Variants in EYS observed in about 807,000 individuals in gnomAD.
EYS encodes EGF-like photoreceptor maintenance factor, also known as protein eyes shut homolog.
EYS carries 250 observed loss-of-function variants against 282.1 expected under a neutral mutation model. That is an observed-to-expected ratio of 0.89 (90% CI 0.80 to 0.98). The LOEUF is 0.98. Ranked by LOEUF, EYS falls within the 50% of genes least tolerant of loss-of-function variation. The pLI is 0.00. For synonymous variants in EYS, 1,355 were observed against 1,282.9 expected, an observed-to-expected ratio of 1.06 and a Z score of -1.20; for missense variants, 4,016 against 3,709.0, an observed-to-expected ratio of 1.08 and a Z score of -2.15.
At chr6:64,486,393 A>C (rs1200414225) in intron 26 of EYS, among the ~76,000 whole-genome samples, 1 of 151,500 alleles carries the variant, frequency 6.6e-6, no homozygotes, top group East Asian at 1.9e-4. Context: ...ATGATGCACC[A>C]ACAAAATCCA....
chr6:64,236,244 A>T (rs1412391447), intron 30 of EYS, among the ~76,000 whole-genome samples: 1 of 152,198 alleles, frequency 6.6e-6, no homozygotes, highest in Non-Finnish European at 1.5e-5. Flanking sequence ...AAGGGCTGGG[A>T]TTACGGGCGT....
At chr6:64,645,529 C>T (rs1015455304) in intron 22 of EYS, among the ~76,000 whole-genome samples, 1 of 152,166 alleles carries the variant, frequency 6.6e-6, no homozygotes, top group Non-Finnish European at 1.5e-5. Flanking sequence ...TTCTTGACAT[C>T]AGACGGCGTG....
intron 35 of EYS, among the ~76,000 whole-genome samples, chr6:63,908,815 G>A (rs1263756222): frequency 6.6e-6 from 1 of 152,026 alleles, no homozygotes; most frequent in Non-Finnish European, 1.5e-5. Context: ...CTATCTAAAT[G>A]GCTATAGCAT....
intron 24 of EYS, among the ~76,000 whole-genome samples, chr6:64,604,095 C>T (rs1256194927): frequency 6.6e-6 from 1 of 151,874 alleles, no homozygotes. Context: ...GCTTCGCTCT[C>T]TGTATCTCTG....
rs141914724 is a variant in EYS, at chr6:64,898,348, A to C, written c.2846+3765T>G. On this transcript the variant is annotated intron_variant, in intron 18 of 42. Transcript: ENST00000503581. ...TCAACCCAGAATTTCATATCCAGCC[A>C]AACTGAGATTCACAAGTGAAGGAGA... is the stretch of plus-strand genomic sequence containing the variant. Among the ~76,000 whole-genome samples the C allele has an allele frequency of 4.3e-3, 652 of 152,234 alleles. 3 individuals are homozygous for C. The highest frequency in any genetic ancestry group is 0.033 in the East Asian group (169 of 5,182).
chr6:65,702,970 C>T (rs1769732952), intron 1 of EYS, among the ~76,000 whole-genome samples: 1 of 152,026 alleles, frequency 6.6e-6, no homozygotes, highest in Admixed American at 6.6e-5. Context: ...AAGTGCCTTC[C>T]ACAATGTGAG....
At chr6:64,135,590 T>A (rs943475622) in intron 31 of EYS, among the ~76,000 whole-genome samples, 2 of 152,054 alleles carry the variant, frequency 1.3e-5, no homozygotes, top group African/African-American at 4.8e-5. Flanking sequence ...GAAACTGACC[T>A]TAAGAAGGAG....
intron 22 of EYS, among the ~76,000 whole-genome samples, chr6:64,802,763 C>G (rs572931438): frequency 6.6e-6 from 1 of 152,114 alleles, no homozygotes; most frequent in Non-Finnish European, 1.5e-5. Flanking sequence ...AGTTATTTGC[C>G]AATTTGCTTC....
At chr6:64,597,271 T>C (rs993267048) in intron 24 of EYS, among the ~76,000 whole-genome samples, 4 of 152,162 alleles carry the variant, frequency 2.6e-5, no homozygotes, top group Admixed American at 2.0e-4. Context: ...CTGGTAGGAA[T>C]GTAAACTAGG....
At chr6:65,305,401 G>A (rs529432300) in intron 11 of EYS, among the ~76,000 whole-genome samples, 1 of 152,118 alleles carries the variant, frequency 6.6e-6, no homozygotes, top group African/African-American at 2.4e-5. Context: ...CAAATTTTAT[G>A]CTACCACTAA....
chr6:65,596,223 T>A (rs1375989335), intron 2 of EYS, among the ~76,000 whole-genome samples: 1 of 152,082 alleles, frequency 6.6e-6, no homozygotes, highest in African/African-American at 2.4e-5. Context: ...CACTTCGGTG[T>A]CCTTAGAGAC....
At chr6:64,252,937 T>C (rs1361922227) in intron 30 of EYS, among the ~76,000 whole-genome samples, 1 of 152,160 alleles carries the variant, frequency 6.6e-6, no homozygotes, top group Non-Finnish European at 1.5e-5. Context: ...GCCCAATATA[T>C]TCCCTTTAAC....
At chr6:65,541,632 AT>A (rs1768171292) in intron 2 of EYS, among the ~76,000 whole-genome samples, 1 of 151,480 alleles carries the variant, frequency 6.6e-6, no homozygotes, top group African/African-American at 2.4e-5. Flanking sequence ...CCAAGATTTA[AT>A]CACTAGATGC....
At chr6:65,451,862 T>A (rs531569219) in intron 5 of EYS, among the ~76,000 whole-genome samples, 1 of 152,020 alleles carries the variant, frequency 6.6e-6, no homozygotes, top group East Asian at 1.9e-4. Flanking sequence ...TCTAATTTTT[T>A]AAAAAATGTA....
chr6:64,667,431 A>G (rs1769272166), intron 22 of EYS, among the ~76,000 whole-genome samples: 1 of 151,738 alleles, frequency 6.6e-6, no homozygotes, highest in Non-Finnish European at 1.5e-5. Flanking sequence ...TGGCATCATT[A>G]TCTCTTTTAC....
intron 41 of EYS, among the ~76,000 whole-genome samples, chr6:63,760,097 A>C (rs2149654182): frequency 6.6e-6 from 1 of 152,246 alleles, no homozygotes; most frequent in East Asian, 1.9e-4. Context: ...ATGTGAAAAC[A>C]AAAAAGGAAA....
chr6:65,243,841 C>T (rs889045623), intron 12 of EYS, among the ~76,000 whole-genome samples: 2 of 152,104 alleles, frequency 1.3e-5, no homozygotes, highest in African/African-American at 2.4e-5. Flanking sequence ...TCCAAGAGTT[C>T]GAGGCTGCTG....
intron 26 of EYS, among the ~76,000 whole-genome samples, chr6:64,525,532 G>A (rs944854840): frequency 1.3e-5 from 2 of 151,640 alleles, no homozygotes; most frequent in African/African-American, 4.8e-5. Flanking sequence ...AGGGTGGAGG[G>A]TGGGAGGAAG....
chr6:65,402,064 A>C (rs1244612361), intron 7 of EYS, among the ~76,000 whole-genome samples: 1 of 151,880 alleles, frequency 6.6e-6, no homozygotes, highest in East Asian at 1.9e-4. Context: ...ACTAATATCT[A>C]TCTGCTGAGG....
Sources: gnomAD v4.1 joint callset for allele counts (sites outside exome capture counted in the v4.1 genomes callset) on GRCh38, gnomAD v4.1.1 for gene constraint, MANE v1.5 for transcripts, NCBI Gene and HGNC (gene_info 2026-07-23, HGNC 2026-07-21) for gene names.